CDH18: variants seen among roughly 807,000 people sequenced by gnomAD.
CDH18 encodes cadherin-18.
CDH18 carries 31 observed loss-of-function variants against 67.9 expected under a neutral mutation model. The observed-to-expected ratio is 0.46, with a 90% CI of 0.34 to 0.62. The LOEUF (loss-of-function observed/expected upper bound fraction) is 0.62. Among genes scored for constraint, CDH18 ranks in the 20% least tolerant of loss-of-function variants. The probability of loss-of-function intolerance (pLI) is 0.01; values close to 1 mark genes in which losing one functional copy is unlikely to be tolerated. For missense variants in CDH18, 890 were observed against 975.5 expected, an observed-to-expected ratio of 0.91 and a Z score of 1.17; for synonymous variants, 362 against 347.2, an observed-to-expected ratio of 1.04 and a Z score of -0.48.
At chr5:19,685,285 G>T (rs1338722061) in intron 5 of CDH18, among the ~76,000 whole-genome samples, 1 of 152,130 alleles carries the variant, frequency 6.6e-6, no homozygotes, top group African/African-American at 2.4e-5. Context: ...ACAGTCCAGT[G>T]CTGGTCAGGT....
chr5:19,772,659 T>G (rs1773860067), intron 3 of CDH18, among the ~76,000 whole-genome samples: 1 of 152,222 alleles, frequency 6.6e-6, no homozygotes, highest in Admixed American at 6.5e-5. Context: ...ATAGTTTTAG[T>G]ACCACTTTGA....
At chr5:19,506,552 A>G (rs1272589510) in intron 10 of CDH18, among the ~76,000 whole-genome samples, 1 of 152,202 alleles carries the variant, frequency 6.6e-6, no homozygotes, top group African/African-American at 2.4e-5. Context: ...TACTGGTACC[A>G]AAACAGAGAT....
intron 1 of CDH18, among the ~76,000 whole-genome samples, chr5:20,547,788 G>T (rs1480133808): frequency 6.6e-6 from 1 of 152,094 alleles, no homozygotes; most frequent in Non-Finnish European, 1.5e-5. Context: ...CTGAAGCAGA[G>T]TCAGTAAGAT....
chr5:20,102,298 G>GT (rs1260632605), intron 2 of CDH18, among the ~76,000 whole-genome samples: 2 of 151,234 alleles, frequency 1.3e-5, no homozygotes, highest in African/African-American at 4.9e-5. Context: ...ACGGAAGTAC[G>GT]TTAAGACAGT....
intron 1 of CDH18, among the ~76,000 whole-genome samples, chr5:20,406,007 T>C (rs1026477956): frequency 3.0e-4 from 45 of 152,272 alleles, no homozygotes; most frequent in African/African-American, 9.4e-4. Flanking sequence ...AGTTCAACCA[T>C]TGTGGAAGTC....
intron 2 of CDH18, among the ~76,000 whole-genome samples, chr5:19,971,390 C>A (rs1485520345): frequency 6.6e-6 from 1 of 151,834 alleles, no homozygotes; most frequent in Admixed American, 6.6e-5. Context: ...AAGTTCAATG[C>A]CACAGAAAAG....
At chr5:20,264,360 T>A (rs1464225585) in intron 1 of CDH18, among the ~76,000 whole-genome samples, 5 of 152,128 alleles carry the variant, frequency 3.3e-5, no homozygotes, top group African/African-American at 1.2e-4. Flanking sequence ...AATATTAGCA[T>A]AATTATTACA....
intron 5 of CDH18, among the ~76,000 whole-genome samples, chr5:19,711,396 TACAACAACAACAACAACA>T (rs112963492): frequency 6.6e-6 from 1 of 150,638 alleles, no homozygotes; most frequent in Non-Finnish European, 1.5e-5. Flanking sequence ...ACTCATAAAC[TACAACAACAACAACAACA>T]ACAACAACAA....
intron 8 of CDH18, among the ~76,000 whole-genome samples, chr5:19,562,478 C>T (rs1286122508): frequency 6.6e-6 from 1 of 152,060 alleles, no homozygotes; most frequent in Non-Finnish European, 1.5e-5. Context: ...TGAATGCTTC[C>T]AGTGTATTCA....
At chr5:19,699,459 T>G (rs1267413404) in intron 5 of CDH18, among the ~76,000 whole-genome samples, 1 of 152,150 alleles carries the variant, frequency 6.6e-6, no homozygotes, top group Non-Finnish European at 1.5e-5. Context: ...CCCAAAAATT[T>G]TATAAGTTAA....
chr5:20,039,101 C>T (rs1328382366), intron 2 of CDH18, among the ~76,000 whole-genome samples: 5 of 151,764 alleles, frequency 3.3e-5, no homozygotes, highest in African/African-American at 4.8e-5. Context: ...GCAATTGCTA[C>T]GAAGAGAATA....
intron 1 of CDH18, among the ~76,000 whole-genome samples, chr5:20,411,538 G>A (rs745684417): frequency 5.3e-5 from 8 of 151,906 alleles, no homozygotes; most frequent in African/African-American, 1.2e-4. Flanking sequence ...TGTTGGCAAC[G>A]AATCCATGGA....
At chr5:20,212,060 G>C (rs980950023) in intron 2 of CDH18, among the ~76,000 whole-genome samples, 2 of 152,056 alleles carry the variant, frequency 1.3e-5, no homozygotes, top group Admixed American at 6.6e-5. Flanking sequence ...TGGCTAACTA[G>C]AGTAAACAGC....
At chr5:20,347,302 G>A (rs1478792148) in intron 1 of CDH18, among the ~76,000 whole-genome samples, 2 of 152,140 alleles carry the variant, frequency 1.3e-5, no homozygotes, top group Non-Finnish European at 1.5e-5. Flanking sequence ...TCCGAGGCCT[G>A]CTAGACCACC....
At chr5:20,305,511 G>C in intron 1 of CDH18, 1 of 1,008,920 alleles carries the variant, frequency 9.9e-7, no homozygotes, top group East Asian at 2.4e-5. Context: ...GCGAAACCCG[G>C]GGCGCAGCGG....
intron 1 of CDH18, among the ~76,000 whole-genome samples, chr5:20,539,795 GAATA>G (rs1213505990): frequency 2.0e-5 from 3 of 148,878 alleles, no homozygotes; most frequent in Non-Finnish European, 3.0e-5. Context: ...CCCTAGAAAA[GAATA>G]AACACAACCA....
intron 1 of CDH18, among the ~76,000 whole-genome samples, chr5:20,556,071 A>G (rs984834548): frequency 7.9e-5 from 12 of 152,096 alleles, no homozygotes; most frequent in African/African-American, 2.9e-4. Flanking sequence ...TAAGTCCCTC[A>G]TTCCTTGTGA....
chr5:19,583,518 C>T (rs1743617111), intron 7 of CDH18, among the ~76,000 whole-genome samples: 1 of 152,046 alleles, frequency 6.6e-6, no homozygotes, highest in Admixed American at 6.6e-5. Context: ...TCTTAGTTTG[C>T]TTCCAGTTAA....
intron 1 of CDH18, among the ~76,000 whole-genome samples, chr5:20,538,910 T>TTTTTTG (rs2126580749): frequency 8.1e-6 from 1 of 123,710 alleles, no homozygotes; most frequent in African/African-American, 3.6e-5. Context: ...TTTTTTTTTG[T>TTTTTTG]TTTTTTTTTT....
Sources: allele counts gnomAD v4.1 joint callset (sites outside exome capture counted in the v4.1 genomes callset), GRCh38; gene constraint gnomAD v4.1.1; transcripts MANE v1.5; gene names NCBI Gene and HGNC (gene_info 2026-07-23, HGNC 2026-07-21).